Variants in UTRN observed in about 807,000 individuals in gnomAD.
UTRN encodes the protein utrophin.
Under a neutral mutation model 463.9 loss-of-function variants are expected in UTRN, and 283 were observed. The ratio of observed to expected loss-of-function variants is 0.61; its 90% CI spans 0.55 to 0.67. UTRN has a LOEUF of 0.67. Ranked by LOEUF, UTRN falls within the 30% of genes least tolerant of loss-of-function variation. The pLI is 0.00. For missense variants in UTRN, 3,922 were observed against 4,084.3 expected (o/e 0.96, Z 1.08); for synonymous variants, 1,442 against 1,431.5 (o/e 1.01, Z -0.17).
intron 60 of UTRN, among the ~76,000 whole-genome samples, chr6:144,776,442 G>A (rs774894994): frequency 1.3e-5 from 2 of 152,188 alleles, no homozygotes; most frequent in African/African-American, 2.4e-5. Flanking sequence ...CCAGCATAAG[G>A]CAGAGGGCAG....
At position 144,533,136 on chromosome 6, in the gene UTRN, C is replaced by A; in HGVS notation, c.6109C>A (p.Arg2037=). Residue 2037 remains arginine, a synonymous_variant, in exon 43 of 75, where the codon CGA becomes AGA. Transcript: ENST00000367545. ...CCAGCCCAGTTTTGCAGCACTAAAC[C>A]GAACTGGGGATGGGATTGTGCAGAA... ...SHQPSFAALN[R]TGDGIVQKLS... 6.2e-7 allele frequency: 1 copy of A among 1,613,914 alleles called. No homozygotes were observed. Among genetic ancestry groups the A allele is most frequent in the African/African-American group, 1.3e-5 (1 of 74,998 alleles).
At chr6:144,498,015 G>A (rs1430838452) in intron 33 of UTRN, among the ~76,000 whole-genome samples, 1 of 152,184 alleles carries the variant, frequency 6.6e-6, no homozygotes, top group African/African-American at 2.4e-5. Flanking sequence ...GAAGTGGTAG[G>A]GACACAGTTG....
chr6:144,712,245 A>G (rs1785804044), intron 53 of UTRN, among the ~76,000 whole-genome samples: 1 of 152,208 alleles, frequency 6.6e-6, no homozygotes, highest in Non-Finnish European at 1.5e-5. Context: ...CTGAAGCAGC[A>G]GTTCTGTCAG....
rs575757650 is a variant in UTRN at position 144,839,089 on chromosome 6, A to T, written c.10066-84A>T. 1.8e-5 allele frequency: 18 copies of T among 990,336 alleles called. No individual in the cohort carries two copies. The East Asian group carries it at 4.4e-4, about 24-fold the overall frequency. 61.3% of individuals were successfully genotyped at this position (990,336 alleles called of 1,614,324 possible). A position where few individuals can be genotyped will look rare whatever the true frequency, so the allele number is the denominator to read the frequency against. ...CTATATGATTTAATTATCCATGGTG[A>T]GGGCGGGGAAGTTAAAAAGGAAATG... On this transcript the variant is annotated intron_variant, in intron 71 of 74. Coordinates refer to ENST00000367545, the MANE Select transcript of UTRN (RefSeq NM_007124.3).
intron 65 of UTRN, among the ~76,000 whole-genome samples, chr6:144,805,949 T>C (rs1778112536): frequency 6.6e-6 from 1 of 152,146 alleles, no homozygotes; most frequent in South Asian, 2.1e-4. Flanking sequence ...CTGGGGATCA[T>C]TGTAAGGAAT....
intron 51 of UTRN, among the ~76,000 whole-genome samples, chr6:144,610,883 C>G (rs1246808019): frequency 2.0e-5 from 3 of 151,398 alleles, no homozygotes; most frequent in Non-Finnish European, 4.4e-5. Flanking sequence ...TTCAAAAAAA[C>G]CAAACCAAAC....
chr6:144,753,825 C>T (rs971846155), intron 56 of UTRN, among the ~76,000 whole-genome samples: 1 of 151,462 alleles, frequency 6.6e-6, no homozygotes, highest in African/African-American at 2.4e-5. Flanking sequence ...CATAATCGTG[C>T]CACTGAACTC....
chr6:144,792,557 A>G (rs1329490784), intron 62 of UTRN, among the ~76,000 whole-genome samples: 3 of 152,140 alleles, frequency 2.0e-5, no homozygotes, highest in African/African-American at 7.2e-5. Flanking sequence ...CAAAAAAAAA[A>G]AGAGAGAGAG....
chr6:144,597,561 G>A (rs2128634798), intron 51 of UTRN, among the ~76,000 whole-genome samples: 1 of 152,286 alleles, frequency 6.6e-6, no homozygotes, highest in Non-Finnish European at 1.5e-5. Context: ...GCTTGCAACT[G>A]ATAACTTTTG....
At chr6:144,631,165 G>A (rs1776464470) in intron 51 of UTRN, among the ~76,000 whole-genome samples, 1 of 151,842 alleles carries the variant, frequency 6.6e-6, no homozygotes, top group Non-Finnish European at 1.5e-5. Context: ...TTTTGAGGTT[G>A]CATTGCTGAA....
At position 144,803,101 on chromosome 6, in the gene UTRN, C is replaced by A; in HGVS notation, c.9311C>A (p.Ala3104Glu). The change falls in exon 65 of 75, where the codon GCA becomes GAA. Residue 3104 changes from alanine to glutamate, a missense_variant. Ala to Glu is a moderately radical substitution (Grantham distance 107, BLOSUM62 -1). This residue lies in a region of UTRN where 1,309 missense variants were observed against 1,452.6 expected (regional missense o/e 0.90). Transcript: ENST00000367545. ...CQSCFFSGRTAKGHKLHYPMV... is the reference protein window; with the variant it reads ...CQSCFFSGRTEKGHKLHYPMV... ...AGTTGTTTCTTTTCGGGTCGAACAG[C>A]AAAAGGTCACAAATTACATTACCCA... The A allele has an allele frequency of 6.3e-7, 1 of 1,595,994 alleles. No homozygotes were observed. The highest frequency in any genetic ancestry group is 8.5e-7 in the Non-Finnish European group (1 of 1,171,642).
intron 51 of UTRN, among the ~76,000 whole-genome samples, chr6:144,626,576 C>T (rs915312896): frequency 6.6e-6 from 1 of 152,246 alleles, no homozygotes; most frequent in Admixed American, 6.5e-5. Context: ...CCACAGCTGC[C>T]TACAGGCCAC....
intron 52 of UTRN, among the ~76,000 whole-genome samples, chr6:144,697,129 G>T (rs1186123645): frequency 6.6e-6 from 1 of 152,072 alleles, no homozygotes; most frequent in Non-Finnish European, 1.5e-5. Flanking sequence ...TTGCGTAAAA[G>T]ATATTCTGTA....
At chr6:144,344,273 T>G in intron 2 of UTRN, 1 of 1,304,180 alleles carries the variant, frequency 7.7e-7, no homozygotes, top group Non-Finnish European at 1.0e-6. Flanking sequence ...TGCCAGGGCA[T>G]GTAGCTCTCC....
intron 51 of UTRN, among the ~76,000 whole-genome samples, chr6:144,616,857 G>T (rs1806167218): frequency 6.6e-6 from 1 of 152,146 alleles, no homozygotes; most frequent in South Asian, 2.1e-4. Flanking sequence ...GCGCAGGTGG[G>T]CATCAGTGCA....
intron 51 of UTRN, among the ~76,000 whole-genome samples, chr6:144,627,796 G>GTTTTTT (rs34178832): frequency 1.8e-5 from 2 of 112,112 alleles, no homozygotes; most frequent in Non-Finnish European, 1.8e-5. Flanking sequence ...TTCCTTCTGT[G>GTTTTTT]TTTTTTTTTT....
chr6:144,397,797 G>A (rs1459013873), intron 2 of UTRN, among the ~76,000 whole-genome samples: 1 of 152,096 alleles, frequency 6.6e-6, no homozygotes, highest in East Asian at 1.9e-4. Context: ...ACATGGAAGT[G>A]CATTGAACAC....
intron 68 of UTRN, 147 bp from the exon 69 acceptor site, chr6:144,828,643 G>A (rs1279200760): frequency 3.1e-5 from 23 of 753,706 alleles, no homozygotes; most frequent in African/African-American, 2.8e-4. Flanking sequence ...AACATGAAAC[G>A]TTTTAGTTTT....
chr6:144,422,648 A>G (rs1252642645), intron 4 of UTRN, among the ~76,000 whole-genome samples: 3 of 152,152 alleles, frequency 2.0e-5, no homozygotes, highest in Non-Finnish European at 2.9e-5. Context: ...AAAAACTATG[A>G]CATCTATTTT....
Sources: allele counts gnomAD v4.1 joint callset (sites outside exome capture counted in the v4.1 genomes callset), GRCh38; gene constraint gnomAD v4.1.1; regional missense constraint gnomAD v4.1.1; transcripts MANE v1.5; gene names NCBI Gene and HGNC (gene_info 2026-07-23, HGNC 2026-07-21).